Variants in PROS1 observed in about 807,000 individuals in gnomAD.
PROS1 encodes the protein protein S.
Under a neutral mutation model 75.9 loss-of-function variants are expected in PROS1, and 29 were observed. The observed-to-expected ratio is 0.38, with a 90% CI of 0.28 to 0.52. The LOEUF (loss-of-function observed/expected upper bound fraction) is 0.52, where lower values mean the gene tolerates loss of function less well. PROS1 is among the 20% of genes least tolerant of loss of function. The pLI is 0.83. For synonymous variants in PROS1, 245 were observed against 280.6 expected, an observed-to-expected ratio of 0.87 and a Z score of 1.27; for missense variants, 680 against 810.3, an observed-to-expected ratio of 0.84 and a Z score of 1.95.
At chr3:93,927,854 T>C (rs1214466051) in intron 1 of PROS1, among the ~76,000 whole-genome samples, 2 of 120,652 alleles carry the variant, frequency 1.7e-5, no homozygotes, top group African/African-American at 7.8e-5. Flanking sequence ...AACAAACATA[T>C]ATATATATAT....
intron 10 of PROS1, among the ~76,000 whole-genome samples, chr3:93,889,086 C>T (rs1334994283): frequency 1.3e-5 from 2 of 152,026 alleles, no homozygotes; most frequent in Non-Finnish European, 2.9e-5. Context: ...TTTTTATATT[C>T]CCTCATTTAT....
chr3:93,933,316 T>G (rs1024498348), intron 1 of PROS1, among the ~76,000 whole-genome samples: 12 of 152,276 alleles, frequency 7.9e-5, no homozygotes, highest in Admixed American at 1.3e-4. Context: ...GGCTCGCACA[T>G]GTAATCCCAA....
At chr3:93,960,575 G>T (rs1007695906) in intron 1 of PROS1, among the ~76,000 whole-genome samples, 3 of 116,806 alleles carry the variant, frequency 2.6e-5, no homozygotes, top group Non-Finnish European at 5.0e-5. Context: ...AGGAACTTTG[G>T]ATGCTATGTG....
In PROS1 at chr3:93,946,049, T is replaced by A. The variant is rs1223075781; in HGVS notation, c.77-18642A>T. ...GAGCCAAATCATGAGTGAACCGCCA[T>A]TCACAATTGCTTCAAAGAGAATAAA... On this transcript the variant is annotated intron_variant, in intron 1 of 14. Coordinates refer to ENST00000394236, the MANE Select transcript of PROS1 (RefSeq NM_000313.4). Among the ~76,000 whole-genome samples, 7 of 152,168 alleles carry A rather than the reference T, an allele frequency of 4.6e-5. No individual in the cohort carries two copies. In the East Asian group the frequency reaches 1.3e-3, roughly 29 times the overall value.
intron 1 of PROS1, among the ~76,000 whole-genome samples, chr3:93,941,827 T>C (rs1709292500): frequency 1.3e-5 from 2 of 152,132 alleles, no homozygotes; most frequent in African/African-American, 2.4e-5. Context: ...CAAACTATTC[T>C]CAACACACTC....
chr3:93,887,491 A>G (rs1708366818), intron 10 of PROS1, among the ~76,000 whole-genome samples: 1 of 152,208 alleles, frequency 6.6e-6, no homozygotes, highest in Non-Finnish European at 1.5e-5. Flanking sequence ...TCAAAGAGCA[A>G]ACTCTTCACT....
chr3:93,961,385 C>A (rs1245170324), intron 1 of PROS1, among the ~76,000 whole-genome samples: 1 of 152,144 alleles, frequency 6.6e-6, no homozygotes, highest in Non-Finnish European at 1.5e-5. Context: ...TTTATAGAAG[C>A]AAATTGCCAT....
At chr3:93,896,729 A>G in intron 8 of PROS1, 38 bp from the exon 9 acceptor site, 1 of 1,444,528 alleles carries the variant, frequency 6.9e-7, no homozygotes, top group East Asian at 2.3e-5. Context: ...CAAGAAAATC[A>G]AAATGCACAG....
chr3:93,960,539 T>C (rs1459139720), intron 1 of PROS1, among the ~76,000 whole-genome samples: 1 of 137,458 alleles, frequency 7.3e-6, no homozygotes, highest in East Asian at 2.0e-4. Flanking sequence ...GCTCTTTTTT[T>C]TTTTTTTTTT....
rs376139110 is a variant in PROS1 at position 93,927,239 on chromosome 3, T to C, written c.234+11A>G. 8 of 1,612,112 alleles carry C rather than the reference T, an allele frequency of 5.0e-6. No individual in the cohort carries two copies. The highest frequency in any genetic ancestry group is 3.3e-5 in the Admixed American group (2 of 60,012). On this transcript the variant is annotated intron_variant, in intron 2 of 14. Coordinates refer to ENST00000394236, the MANE Select transcript of PROS1 (RefSeq NM_000313.4). Reference sequence around the variant, plus strand: ...AGATGTGTGAACTTGATAGTTTCCATAAATGCTTACCGTTTCCGGGTCATT... The same window carrying C: ...AGATGTGTGAACTTGATAGTTTCCACAAATGCTTACCGTTTCCGGGTCATT...
chr3:93,889,067 T>C (rs964845865), intron 10 of PROS1, among the ~76,000 whole-genome samples: 2 of 152,202 alleles, frequency 1.3e-5, no homozygotes, highest in East Asian at 3.8e-4. Flanking sequence ...GTTTACATGG[T>C]ACAGAATCTT....
intron 1 of PROS1, among the ~76,000 whole-genome samples, chr3:93,936,658 A>G (rs1159527830): frequency 1.3e-5 from 2 of 152,128 alleles, no homozygotes; most frequent in Non-Finnish European, 2.9e-5. Context: ...AGACTCCAGA[A>G]CTGCAAGAAA....
intron 10 of PROS1, among the ~76,000 whole-genome samples, chr3:93,892,350 C>T (rs191458248): frequency 6.4e-4 from 95 of 148,520 alleles, no homozygotes; most frequent in Admixed American, 3.5e-3. Context: ...ATATGCTAGC[C>T]GCGGTGGCTC....
intron 2 of PROS1, among the ~76,000 whole-genome samples, chr3:93,925,407 G>A (rs1378469022): frequency 1.3e-5 from 2 of 152,150 alleles, no homozygotes; most frequent in African/African-American, 2.4e-5. Context: ...TATTAGAGAT[G>A]TTGAGGCATA....
rs139046770 is a variant in PROS1, at chr3:93,939,483, C to T, written c.77-12076G>A. 6.3e-3 allele frequency among the ~76,000 whole-genome samples: 957 copies of T among 152,194 alleles called. 13 individuals are homozygous for T. Among genetic ancestry groups the T allele is most frequent in the African/African-American group, 0.022 (919 of 41,510 alleles). On this transcript the variant is annotated intron_variant, in intron 1 of 14. Coordinates refer to ENST00000394236, the MANE Select transcript of PROS1 (RefSeq NM_000313.4). ...GCTGAATCAGGCTCCAATTCTTCCT[C>T]GGCCTCCACTCCCCGACACTATAAT...
chr3:93,965,343 C>T (rs555432029), intron 1 of PROS1, among the ~76,000 whole-genome samples: 1 of 152,324 alleles, frequency 6.6e-6, no homozygotes, highest in East Asian at 1.9e-4. Context: ...GGAAGGGTGT[C>T]CGCTGTGCTC....
intron 3 of PROS1, among the ~76,000 whole-genome samples, chr3:93,923,191 C>T (rs1036231046): frequency 1.1e-4 from 16 of 152,058 alleles, no homozygotes; most frequent in African/African-American, 3.4e-4. Flanking sequence ...TTGGGCAGGG[C>T]CAGAAAAGCG....
chr3:93,918,614 C>T (rs1267979726), intron 3 of PROS1, among the ~76,000 whole-genome samples: 1 of 152,128 alleles, frequency 6.6e-6, no homozygotes, highest in African/African-American at 2.4e-5. Flanking sequence ...CCGCGAGGGT[C>T]GGCGGCTTCA....
chr3:93,933,793 G>A (rs769338218), intron 1 of PROS1, among the ~76,000 whole-genome samples: 3 of 151,730 alleles, frequency 2.0e-5, no homozygotes, highest in Admixed American at 1.3e-4. Flanking sequence ...GACAGATCAC[G>A]AGGTCAGGAG....
Sources: allele counts gnomAD v4.1 joint callset (sites outside exome capture counted in the v4.1 genomes callset), GRCh38; gene constraint gnomAD v4.1.1; transcripts MANE v1.5; gene names NCBI Gene and HGNC (gene_info 2026-07-23, HGNC 2026-07-21).